Variants in ST6GAL1 observed in about 807,000 individuals in gnomAD.
ST6GAL1 encodes ST6 beta-galactoside alpha-2,6-sialyltransferase 1.
In ST6GAL1, 20 loss-of-function variants were observed where a neutral mutation model predicts 38.0. The observed-to-expected ratio is 0.53, with a 90% CI of 0.37 to 0.77. ST6GAL1 has a LOEUF of 0.77. Among genes scored for constraint, ST6GAL1 ranks in the 30% least tolerant of loss-of-function variants. ST6GAL1 has a pLI of 0.00. For synonymous variants in ST6GAL1, 196 were observed against 188.2 expected (o/e 1.04, Z -0.34); for missense variants, 432 against 496.4 (o/e 0.87, Z 1.23).
At chr3:186,985,189 G>A (rs941925774) in intron 2 of ST6GAL1, among the ~76,000 whole-genome samples, 3 of 152,012 alleles carry the variant, frequency 2.0e-5, no homozygotes, top group South Asian at 2.1e-4. Context: ...GATTGCAGAC[G>A]TGAGCCACTG....
At chr3:187,056,311 G>C (rs1018650285) in intron 5 of ST6GAL1, among the ~76,000 whole-genome samples, 1 of 152,098 alleles carries the variant, frequency 6.6e-6, no homozygotes, top group Admixed American at 6.5e-5. Context: ...TACATTTAAG[G>C]TTAATATTAT....
chr3:187,020,765 C>T (rs1043661736), intron 2 of ST6GAL1, among the ~76,000 whole-genome samples: 1 of 152,174 alleles, frequency 6.6e-6, no homozygotes, highest in Non-Finnish European at 1.5e-5. Context: ...AGAGAAAACA[C>T]AAACCCAAGA....
chr3:187,063,040 T>C (rs1350761436), intron 5 of ST6GAL1, among the ~76,000 whole-genome samples: 1 of 152,186 alleles, frequency 6.6e-6, no homozygotes, highest in Non-Finnish European at 1.5e-5. Flanking sequence ...TGGTGATAGT[T>C]ACACAACAAT....
chr3:186,946,132 C>A (rs1181830887), intron 1 of ST6GAL1, among the ~76,000 whole-genome samples: 1 of 151,930 alleles, frequency 6.6e-6, no homozygotes, highest in Non-Finnish European at 1.5e-5. Flanking sequence ...ATGGTGAAAC[C>A]CCGTCTCTAC....
At chr3:187,061,960 T>G (rs1170050844) in intron 5 of ST6GAL1, among the ~76,000 whole-genome samples, 2 of 152,142 alleles carry the variant, frequency 1.3e-5, no homozygotes, top group African/African-American at 4.8e-5. Context: ...AGAAAATATT[T>G]GCAAGTCATC....
At chr3:186,987,180 CAGGG>C (rs56004472) in intron 2 of ST6GAL1, among the ~76,000 whole-genome samples, 2,255 of 92,624 alleles carry the variant, frequency 0.024, 37 homozygotes, top group African/African-American at 0.064. Context: ...GAAAGAGAGA[CAGGG>C]AGGGAGGGAG....
At chr3:187,008,994 C>CT (rs1458540220) in intron 2 of ST6GAL1, among the ~76,000 whole-genome samples, 1 of 151,936 alleles carries the variant, frequency 6.6e-6, no homozygotes, top group Non-Finnish European at 1.5e-5. Flanking sequence ...TCTGATAATT[C>CT]TTTTTTGGAG....
At chr3:187,021,184 G>A (rs1221482570) in intron 2 of ST6GAL1, among the ~76,000 whole-genome samples, 3 of 151,946 alleles carry the variant, frequency 2.0e-5, no homozygotes, top group Non-Finnish European at 4.4e-5. Context: ...GGATGGTCTC[G>A]ATCTCCTGAC....
intron 2 of ST6GAL1, among the ~76,000 whole-genome samples, chr3:187,037,306 C>G (rs1717963723): frequency 6.6e-6 from 1 of 152,124 alleles, no homozygotes; most frequent in Non-Finnish European, 1.5e-5. Context: ...TTGGGTTTCT[C>G]TCATGATTAA....
At chr3:186,938,645 G>C (rs1276082230) in intron 1 of ST6GAL1, among the ~76,000 whole-genome samples, 3 of 152,144 alleles carry the variant, frequency 2.0e-5, no homozygotes, top group Non-Finnish European at 4.4e-5. Context: ...GTGACAAGTT[G>C]AGAGAGAAAA....
At chr3:187,066,286 AAAG>A (rs1281528188) in intron 5 of ST6GAL1, among the ~76,000 whole-genome samples, 1 of 152,170 alleles carries the variant, frequency 6.6e-6, no homozygotes, top group Non-Finnish European at 1.5e-5. Context: ...CGAATCAGAG[AAAG>A]GATGCCTTCA....
chr3:187,005,052 G>A (rs981119705), intron 2 of ST6GAL1, among the ~76,000 whole-genome samples: 13 of 145,634 alleles, frequency 8.9e-5, no homozygotes, highest in African/African-American at 3.3e-4. Flanking sequence ...ACATTTTATG[G>A]TATTGCAGTT....
intron 5 of ST6GAL1, among the ~76,000 whole-genome samples, chr3:187,062,270 C>T (rs1040181304): frequency 8.5e-5 from 13 of 152,090 alleles, no homozygotes; most frequent in East Asian, 3.8e-4. Flanking sequence ...GAAAACAGTA[C>T]GGCAGTGCCT....
At chr3:186,946,663 A>AT (rs1714381939) in intron 1 of ST6GAL1, among the ~76,000 whole-genome samples, 1 of 152,108 alleles carries the variant, frequency 6.6e-6, no homozygotes, top group African/African-American at 2.4e-5. Flanking sequence ...TAATTCATTT[A>AT]TTTTTTCCTG....
intron 1 of ST6GAL1, among the ~76,000 whole-genome samples, chr3:186,959,203 C>T (rs1579271711): frequency 6.6e-6 from 1 of 152,152 alleles, no homozygotes; most frequent in South Asian, 2.1e-4. Flanking sequence ...TAAATGCAGA[C>T]ACCTTTTCTC....
At chr3:186,984,478 G>A (rs891801950) in intron 2 of ST6GAL1, among the ~76,000 whole-genome samples, 6 of 151,824 alleles carry the variant, frequency 4.0e-5, no homozygotes, top group South Asian at 2.1e-4. Flanking sequence ...TGTTCCTCCC[G>A]GACCCCGTCT....
At chr3:186,988,562 GGGTGGGGGGGTGGT>G (rs1716036677) in intron 2 of ST6GAL1, among the ~76,000 whole-genome samples, 1 of 148,742 alleles carries the variant, frequency 6.7e-6, no homozygotes, top group Non-Finnish European at 1.5e-5. Context: ...GTGTGTTTTG[GGGTGGGGGGGTGGT>G]GGTGGGGGCG....
chr3:187,062,574 T>TCACACA (rs57175575), intron 5 of ST6GAL1, among the ~76,000 whole-genome samples: 2,301 of 143,886 alleles, frequency 0.016, 31 homozygotes, highest in African/African-American at 0.038. Flanking sequence ...AATAAGCCAG[T>TCACACA]CACACACACA....
At chr3:186,970,511 C>T (rs1024346635) in intron 2 of ST6GAL1, among the ~76,000 whole-genome samples, 1 of 152,044 alleles carries the variant, frequency 6.6e-6, no homozygotes, top group Non-Finnish European at 1.5e-5. Context: ...ATGTGAGCCA[C>T]TGCGCCCGGT....
Sources: gnomAD v4.1 joint callset for allele counts (sites outside exome capture counted in the v4.1 genomes callset) on GRCh38, gnomAD v4.1.1 for gene constraint, MANE v1.5 for transcripts, NCBI Gene and HGNC (gene_info 2026-07-23, HGNC 2026-07-21) for gene names.